Variants in KY observed in about 807,000 individuals in gnomAD.
KY encodes kyphoscoliosis peptidase.
In KY, 43 loss-of-function variants were observed where a neutral mutation model predicts 76.1. The observed-to-expected ratio is 0.57, with a 90% confidence interval of 0.44 to 0.73. The LOEUF is 0.73. Ranked by LOEUF, KY falls within the 30% of genes least tolerant of loss-of-function variation. The pLI, the probability that KY is intolerant of heterozygous loss-of-function variation, is 0.00. For missense variants in KY, 722 were observed against 828.9 expected (o/e 0.87, Z 1.58); for synonymous variants, 277 against 326.2 (o/e 0.85, Z 1.63).
chr3:134,648,574 C>T (rs1966715046), intron 1 of KY, among the ~76,000 whole-genome samples: 1 of 152,178 alleles, frequency 6.6e-6, no homozygotes, highest in Non-Finnish European at 1.5e-5. Context: ...TTTGGAGAAG[C>T]ACTGTTCTAG....
rs199592197 is a variant in KY, at chr3:134,610,363, A to C, written c.731T>G (p.Met244Arg). The change falls in exon 9 of 11, where the codon ATG becomes AGG. Residue 244 changes from methionine to arginine, a missense_variant. By Grantham distance (91) the Met-to-Arg change is moderately conservative. Transcript: ENST00000423778. Reference protein sequence around the residue: ...RMCRLAGVQCMTVPGYSKGFG... With the variant: ...RMCRLAGVQCRTVPGYSKGFG... ...ACCCTTGGAGTAGCCAGGCACGGTCATACACTGCACTCCGGCGAGCCTGGG... is the reference window on the plus strand; with the variant it reads ...ACCCTTGGAGTAGCCAGGCACGGTCCTACACTGCACTCCGGCGAGCCTGGG... 1 of 1,612,750 alleles carries C rather than the reference A, an allele frequency of 6.2e-7. No individual in the cohort carries two copies. Among genetic ancestry groups the C allele is most frequent in the African/African-American group, 1.3e-5 (1 of 74,784 alleles).
intron 6 of KY, 134 bp downstream of exon 6, chr3:134,624,919 T>C: frequency 1.3e-6 from 1 of 763,952 alleles, no homozygotes; most frequent in South Asian, 1.7e-5. Flanking sequence ...CCATATGCTA[T>C]GAAAAGGCAT....
chr3:134,601,740 C>T lies in KY; in HGVS notation c.*1839G>A, dbSNP rs1431607225. Among the ~76,000 whole-genome samples the T allele has an allele frequency of 2.0e-5, 3 of 152,198 alleles. No individual in the cohort carries two copies. Among genetic ancestry groups the T allele is most frequent in the African/African-American group, 7.2e-5 (3 of 41,452 alleles). ...AGACACCCCTTTTGCTCGAGGCCGC[C>T]GGCCTGTTGGATGATGGGCACCCTT... On this transcript the variant is annotated 3_prime_UTR_variant, in exon 11 of 11. Transcript: ENST00000423778.
At chr3:134,608,934 G>T (rs1008428127) in intron 9 of KY, 95 bp from the exon 10 acceptor site, 25 of 1,405,204 alleles carry the variant, frequency 1.8e-5, no homozygotes, top group Non-Finnish European at 2.3e-5. Context: ...CACCCTGGAT[G>T]GGAAGAGGCA....
In KY at chr3:134,603,732, C is replaced by T. The variant is rs568690722; in HGVS notation, c.1833G>A (p.Gly611=). 6.2e-7 allele frequency: 1 copy of T among 1,612,978 alleles called. No homozygotes were observed. Among genetic ancestry groups the T allele is most frequent in the Admixed American group, 1.7e-5 (1 of 59,956 alleles). Residue 611 remains glycine (G), a synonymous_variant, in exon 11 of 11, where the codon GGG becomes GGA. Transcript: ENST00000423778. ...LHGIAKVLVK[G]QDTWPLTLNH... is the part of the protein sequence containing the mutation. The stretch of plus-strand genomic sequence containing the variant: ...TCAGGGTCAGGGGCCATGTGTCCTG[C>T]CCCTTCACCAGGACTTTGGCAATAC...
rs1333389239 is a variant in KY at position 134,608,680 on chromosome 3, A to G, written c.1059T>C (p.Ser353=). The change falls in exon 10 of 11, where the codon AGT becomes AGC. Residue 353 remains serine, a synonymous_variant. Transcript: ENST00000423778. ...KSEFYNKGML[S]AHPETSMIRT... ...TGATCATGGAAGTCTCTGGGTGGGCACTCAGCATCCCTTTGTTGTAGAATT... is the reference window on the plus strand; with the variant it reads ...TGATCATGGAAGTCTCTGGGTGGGCGCTCAGCATCCCTTTGTTGTAGAATT... 2.5e-6 allele frequency: 4 copies of G among 1,613,908 alleles called. No homozygotes were observed. The African/African-American group carries it at 4.0e-5, about 16-fold the overall frequency.
intron 4 of KY, chr3:134,628,082 C>T (rs1467500161): frequency 9.3e-6 from 5 of 535,128 alleles, no homozygotes; most frequent in African/African-American, 1.9e-5. Flanking sequence ...AGTATTTGCT[C>T]TGACCTAACA....
intron 3 of KY, among the ~76,000 whole-genome samples, chr3:134,634,956 A>G (rs1412734386): frequency 1.3e-5 from 2 of 152,248 alleles, no homozygotes; most frequent in South Asian, 4.1e-4. Context: ...GTGGGATTGT[A>G]AAATAGAACA....
At position 134,650,916 on chromosome 3, in the gene KY, C is replaced by T; in HGVS notation, c.45G>A (p.Leu15=). 6.2e-7 allele frequency: 1 copy of T among 1,613,338 alleles called. No homozygotes were observed. Among genetic ancestry groups the T allele is most frequent in the East Asian group, 2.2e-5 (1 of 44,824 alleles). The stretch of plus-strand genomic sequence containing the variant: ...GCCGCTTCTCCGAGTGCACGATCAG[C>T]AGCATGTCGATAGATACAGCGTTGA... ...KDINAVSIDM[L]LIVHSEKRRA... is the part of the protein sequence containing the mutation. Residue 15 remains leucine (L), a synonymous_variant, in exon 1 of 11, where the codon CTG becomes CTA. Coordinates refer to ENST00000423778, the MANE Select transcript of KY (RefSeq NM_178554.6).
intron 6 of KY, among the ~76,000 whole-genome samples, chr3:134,623,498 C>T (rs746288668): frequency 4.6e-5 from 7 of 152,186 alleles, no homozygotes; most frequent in East Asian, 1.9e-4. Flanking sequence ...GCCTCCTTCT[C>T]GTATGTCCTC....
At chr3:134,611,609 T>G (rs892482718) in intron 8 of KY, among the ~76,000 whole-genome samples, 7 of 152,264 alleles carry the variant, frequency 4.6e-5, no homozygotes, top group Admixed American at 2.6e-4. Context: ...ACCGAGGATG[T>G]GCTTGATGCC....
chr3:134,635,646 G>T lies in KY; in HGVS notation c.263-5951C>A, dbSNP rs557759248. ...GTGTATTCTGGATATTCTGATGATG[G>T]TAACCACCATAGTGGTGGTTTCACA... On this transcript the variant is annotated intron_variant, in intron 3 of 10. Transcript: ENST00000423778. 2.0e-5 allele frequency among the ~76,000 whole-genome samples: 3 copies of T among 152,150 alleles called. No homozygotes were observed. In the South Asian group the frequency reaches 6.2e-4, roughly 32 times the overall value.
intron 6 of KY, among the ~76,000 whole-genome samples, 190 bp downstream of exon 6, chr3:134,624,863 C>A (rs577282818): frequency 6.6e-6 from 1 of 152,252 alleles, no homozygotes; most frequent in African/African-American, 2.4e-5. Context: ...ATGGAATGGC[C>A]TCTGGCTCTG....
chr3:134,643,476 G>C (rs575618535), intron 2 of KY, 98 bp from the exon 3 acceptor site: 2 of 995,122 alleles, frequency 2.0e-6, no homozygotes, highest in Non-Finnish European at 3.1e-6. Flanking sequence ...GTGGGCTGGC[G>C]GGGGCCAAGC....
Position 134,602,344 on chromosome 3 carries a change from C to T in KY, c.*1235G>A, listed in dbSNP as rs930112890. Among the ~76,000 whole-genome samples, 1 of 152,156 alleles carries T rather than the reference C, an allele frequency of 6.6e-6. No homozygotes were observed. Among genetic ancestry groups the T allele is most frequent in the East Asian group, 1.9e-4 (1 of 5,176 alleles). ...CTGAGGGCCAGCTGGGCAGCTGAGG[C>T]CTCTCAGTCTGTGCCTGAGCAAGCA... On this transcript the variant is annotated 3_prime_UTR_variant, in exon 11 of 11. Coordinates refer to ENST00000423778, the MANE Select transcript of KY (RefSeq NM_178554.6).
intron 6 of KY, among the ~76,000 whole-genome samples, chr3:134,623,618 G>C (rs563541365): frequency 4.6e-4 from 69 of 150,608 alleles, no homozygotes; most frequent in African/African-American, 1.5e-3. Flanking sequence ...GTCTCTGCAG[G>C]CTCCTGTGGG....
intron 8 of KY, among the ~76,000 whole-genome samples, chr3:134,611,609 T>A (rs892482718): frequency 6.6e-6 from 1 of 152,264 alleles, no homozygotes; most frequent in Non-Finnish European, 1.5e-5. Context: ...ACCGAGGATG[T>A]GCTTGATGCC....
Position 134,603,268 on chromosome 3 carries a change from ACAG to A in KY, c.*308_*310del, listed in dbSNP as rs1959047377. 11 of 242,658 alleles carry A rather than the reference ACAG, an allele frequency of 4.5e-5. No homozygotes were observed. The highest frequency in any genetic ancestry group is 3.2e-4 in the South Asian group (2 of 6,330). 15.0% of individuals were successfully genotyped at this position (242,658 alleles called of 1,614,324 possible). ...CCTCATCAACCCTACAGCAACAACA[ACAG>A]CAGCAGCACTAATACGAGAAGGGGC... On this transcript the variant is annotated 3_prime_UTR_variant, in exon 11 of 11. Transcript: ENST00000423778.
At chr3:134,648,116 T>G (rs1042151081) in intron 1 of KY, among the ~76,000 whole-genome samples, 7 of 152,224 alleles carry the variant, frequency 4.6e-5, no homozygotes, top group African/African-American at 7.2e-5. Flanking sequence ...GTCGAGTTCC[T>G]GGCACAGCAT....
Sources: gnomAD v4.1 joint callset for allele counts (sites outside exome capture counted in the v4.1 genomes callset) on GRCh38, gnomAD v4.1.1 for gene constraint, MANE v1.5 for transcripts, NCBI Gene and HGNC (gene_info 2026-07-23, HGNC 2026-07-21) for gene names.